IPO11: variants seen among roughly 807,000 people sequenced by gnomAD.
The protein encoded by IPO11 is importin-11.
In IPO11, 66 loss-of-function variants were observed where a neutral mutation model predicts 143.2. The observed-to-expected ratio is 0.46, with a 90% CI of 0.38 to 0.57. The LOEUF is 0.57. Ranked by LOEUF, IPO11 falls within the 20% of genes least tolerant of loss-of-function variation. IPO11 has a pLI of 0.00. For synonymous variants in IPO11, 385 were observed against 377.8 expected, an observed-to-expected ratio of 1.02 and a Z score of -0.22; for missense variants, 1,026 against 1,141.0, an observed-to-expected ratio of 0.90 and a Z score of 1.45.
intron 12 of IPO11, 129 bp downstream of exon 12, chr5:62,485,591 C>T (rs1746368904): frequency 2.7e-6 from 2 of 748,378 alleles, no homozygotes; most frequent in Non-Finnish European, 4.3e-6. Flanking sequence ...TTAATCCTAG[C>T]ACTTTGGGAA....
At chr5:62,457,389 C>T (rs1745200612) in intron 5 of IPO11, among the ~76,000 whole-genome samples, 2 of 151,934 alleles carry the variant, frequency 1.3e-5, no homozygotes, top group South Asian at 2.1e-4. Context: ...GAGGCTGAGG[C>T]GGCAGGATCA....
intron 24 of IPO11, among the ~76,000 whole-genome samples, chr5:62,540,381 T>G (rs1030737689): frequency 1.3e-5 from 2 of 152,220 alleles, no homozygotes; most frequent in African/African-American, 4.8e-5. Flanking sequence ...TCTAAGTGAT[T>G]AAGAAAAGAG....
chr5:62,598,416 CTTTCTTTCTTTCTT>C lies in IPO11; in HGVS notation c.2679-3346_2679-3333del, dbSNP rs1163518801. On this transcript the variant is annotated intron_variant, in intron 28 of 29. Coordinates refer to ENST00000325324, the MANE Select transcript of IPO11 (RefSeq NM_016338.5). The stretch of plus-strand genomic sequence containing the variant: ...GCTTTCTTTCTTTCTTTCTTTCTTT[CTTTCTTTCTTTCTT>C]TCTCTCTCTCTCTCTCTCTCTCTCT... Among the ~76,000 whole-genome samples, 7 of 12,756 alleles carry C rather than the reference CTTTCTTTCTTTCTT, an allele frequency of 5.5e-4. No individual in the cohort carries two copies. The East Asian group carries it at 0.012, about 22-fold the overall frequency. The allele number at this position is 12,756 out of a possible 152,430, so 8.4% of individuals were successfully genotyped here.
chr5:62,483,273 A>C lies in IPO11; in HGVS notation c.1001A>C (p.Lys334Thr), dbSNP rs757282953. ...ATGATTGTCAAAAATTATGCTTATA[A>C]GCCATCCAAAAATTTTGAAGGTAAT... ...IKMIVKNYAY[K>T]PSKNFEDSSP... The change falls in exon 10 of 30, where the codon AAG becomes ACG. Residue 334 changes from lysine (K) to threonine (T), a missense_variant. Physicochemically the swap from Lys to Thr is moderately conservative, Grantham distance 78. Coordinates refer to ENST00000325324, the MANE Select transcript of IPO11 (RefSeq NM_016338.5). The C allele has an allele frequency of 1.3e-6, 2 of 1,570,126 alleles. No individual in the cohort carries two copies. The highest frequency in any genetic ancestry group is 1.7e-6 in the Non-Finnish European group (2 of 1,159,172).
At chr5:62,473,454 T>G (rs1745851511) in intron 7 of IPO11, among the ~76,000 whole-genome samples, 1 of 152,200 alleles carries the variant, frequency 6.6e-6, no homozygotes, top group South Asian at 2.1e-4. Context: ...TTGACTCTAA[T>G]GTTAACAATG....
intron 27 of IPO11, chr5:62,580,084 T>C: frequency 6.4e-7 from 1 of 1,551,142 alleles, no homozygotes; most frequent in South Asian, 1.2e-5. Flanking sequence ...AAGTAATAAT[T>C]TAACAAAAGT....
At chr5:62,484,516 T>C (rs1207930278) in intron 11 of IPO11, among the ~76,000 whole-genome samples, 1 of 152,036 alleles carries the variant, frequency 6.6e-6, no homozygotes, top group Non-Finnish European at 1.5e-5. Context: ...TTGTAGAAAT[T>C]CTTGCAAAGA....
intron 1 of IPO11, among the ~76,000 whole-genome samples, chr5:62,428,799 A>G (rs1352566107): frequency 6.6e-6 from 1 of 152,032 alleles, no homozygotes; most frequent in Admixed American, 6.6e-5. Flanking sequence ...AGCTGGGACT[A>G]CAGGTGTGTG....
chr5:62,600,544 T>A (rs1745469242), intron 28 of IPO11, among the ~76,000 whole-genome samples: 1 of 152,196 alleles, frequency 6.6e-6, no homozygotes, highest in Admixed American at 6.5e-5. Context: ...CCCATATTAT[T>A]ATTCAGTTCT....
Position 62,548,595 on chromosome 5 carries a change from T to C in IPO11, c.2251-1772T>C, listed in dbSNP as rs535947566. Among the ~76,000 whole-genome samples, 126 of 152,274 alleles carry C rather than the reference T, an allele frequency of 8.3e-4. 1 individual carries two copies. Among genetic ancestry groups the C allele is most frequent in the African/African-American group, 2.9e-3 (119 of 41,558 alleles). ...TGTCCAGATACTACAGAGTTGAAAA[T>C]ATCTAGCACTCTGTTTCTTAGACAG... is the stretch of plus-strand genomic sequence containing the variant. On this transcript the variant is annotated intron_variant, in intron 24 of 29. Coordinates refer to ENST00000325324, the MANE Select transcript of IPO11 (RefSeq NM_016338.5).
chr5:62,435,212 G>GTATATATATGTATA (rs1744173528), intron 1 of IPO11, among the ~76,000 whole-genome samples: 1 of 79,680 alleles, frequency 1.3e-5, no homozygotes, highest in Non-Finnish European at 2.5e-5. Flanking sequence ...ATATATATGT[G>GTATATATATGTATA]TATATATATA....
chr5:62,480,179 C>A (rs997626552), intron 9 of IPO11, among the ~76,000 whole-genome samples: 1 of 152,190 alleles, frequency 6.6e-6, no homozygotes, highest in Non-Finnish European at 1.5e-5. Flanking sequence ...TTTCCCAGCA[C>A]CATTTATTCA....
intron 5 of IPO11, among the ~76,000 whole-genome samples, chr5:62,454,008 G>A (rs1285368516): frequency 1.3e-5 from 2 of 152,042 alleles, no homozygotes; most frequent in African/African-American, 2.4e-5. Flanking sequence ...GGTGGCACGC[G>A]CCTGTAGTCC....
intron 5 of IPO11, among the ~76,000 whole-genome samples, chr5:62,458,548 G>C (rs527450624): frequency 2.0e-5 from 3 of 152,130 alleles, no homozygotes; most frequent in Non-Finnish European, 4.4e-5. Context: ...TGATCTGCCC[G>C]CCTTGACCTC....
intron 29 of IPO11, among the ~76,000 whole-genome samples, chr5:62,620,027 G>A (rs1308398148): frequency 1.3e-5 from 2 of 152,072 alleles, no homozygotes; most frequent in Non-Finnish European, 2.9e-5. Flanking sequence ...GAAATCCGCA[G>A]TCTTTAAGGG....
intron 6 of IPO11, among the ~76,000 whole-genome samples, chr5:62,468,901 GAATT>G (rs1344266525): frequency 6.6e-6 from 1 of 152,172 alleles, no homozygotes; most frequent in Admixed American, 6.5e-5. Context: ...ATCTCTATCT[GAATT>G]TACACTTACG....
intron 9 of IPO11, among the ~76,000 whole-genome samples, chr5:62,479,208 T>C (rs1746090596): frequency 1.3e-5 from 2 of 152,192 alleles, no homozygotes. Context: ...GTCCTTGCGA[T>C]AGTATGCTCA....
At chr5:62,450,501 C>G (rs1744873257) in intron 4 of IPO11, among the ~76,000 whole-genome samples, 1 of 152,168 alleles carries the variant, frequency 6.6e-6, no homozygotes, top group South Asian at 2.1e-4. Context: ...GCATATACAA[C>G]TATTACACAT....
chr5:62,563,781 A>G (rs1020152490), intron 27 of IPO11, among the ~76,000 whole-genome samples: 13 of 151,910 alleles, frequency 8.6e-5, no homozygotes, highest in Admixed American at 8.5e-4. Context: ...CTGGCACTCA[A>G]AAAAATCTCA....
Sources: gnomAD v4.1 joint callset for allele counts (sites outside exome capture counted in the v4.1 genomes callset) on GRCh38, gnomAD v4.1.1 for gene constraint, MANE v1.5 for transcripts, NCBI Gene and HGNC (gene_info 2026-07-23, HGNC 2026-07-21) for gene names.